TBX4: variants seen among roughly 807,000 people sequenced by gnomAD.
TBX4 encodes the protein T-box transcription factor TBX4.
TBX4 carries 13 observed loss-of-function variants against 54.6 expected under a neutral mutation model. The observed-to-expected ratio is 0.24, with a 90% CI of 0.15 to 0.38. The LOEUF is 0.38. TBX4 is among the 10% of genes least tolerant of loss of function. TBX4 has a pLI of 1.00. For missense variants in TBX4, 631 were observed against 728.5 expected (o/e 0.87, Z 1.54); for synonymous variants, 314 against 306.7 (o/e 1.02, Z -0.25).
intron 5 of TBX4, among the ~76,000 whole-genome samples, chr17:61,470,501 T>G (rs1186025227): frequency 3.9e-5 from 6 of 152,186 alleles, no homozygotes; most frequent in African/African-American, 1.4e-4. Flanking sequence ...CTAAAAGGAC[T>G]GAGCTCCCAC....
rs3744440 is a variant in TBX4 at position 61,478,585 on chromosome 17, G to T, written c.550-42G>T. On this transcript the variant is annotated intron_variant, in intron 5 of 8. Transcript: ENST00000644296. The surrounding 1 kb of genome is among the most constrained non-coding windows in gnomAD (Gnocchi z 7.4). The stretch of plus-strand genomic sequence containing the variant: ...ATGAGGTCAAGGGCCTGGGGCTTGC[G>T]GATGGGGACCTGGAGCTCAGCATGA... 199 of 1,613,916 alleles carry T rather than the reference G, an allele frequency of 1.2e-4. No homozygotes were observed. Among genetic ancestry groups the T allele is most frequent in the Non-Finnish European group, 1.5e-4 (177 of 1,179,932 alleles).
chr17:61,461,262 A>G lies in TBX4; in HGVS notation c.281+3631A>G, dbSNP rs570439573. 6.6e-6 allele frequency among the ~76,000 whole-genome samples: 1 copy of G among 152,354 alleles called. No individual in the cohort carries two copies. The highest frequency in any genetic ancestry group is 1.9e-4 in the East Asian group (1 of 5,186). On this transcript the variant is annotated intron_variant, in intron 3 of 8. Coordinates refer to ENST00000644296, the MANE Select transcript of TBX4 (RefSeq NM_001321120.2). The surrounding 1 kb of genome is among the most constrained non-coding windows in gnomAD (Gnocchi z 5.1). ...TTCTTAAATATGCTTTGGGTGAATTAGAAAACTGTGTGTGTATGCCTCTAT... is the reference window on the plus strand; with the variant it reads ...TTCTTAAATATGCTTTGGGTGAATTGGAAAACTGTGTGTGTATGCCTCTAT...
At chr17:61,473,451 A>G (rs2060595428) in intron 5 of TBX4, among the ~76,000 whole-genome samples, 1 of 152,250 alleles carries the variant, frequency 6.6e-6, no homozygotes, top group African/African-American at 2.4e-5. Context: ...ATCAGACAGC[A>G]AAGCCACTTC....
At position 61,459,363 on chromosome 17, in the gene TBX4, C is replaced by T. The variant is rs1259293113; in HGVS notation, c.281+1732C>T. 6.6e-6 allele frequency among the ~76,000 whole-genome samples: 1 copy of T among 152,168 alleles called. No homozygotes were observed. The highest frequency in any genetic ancestry group is 1.5e-5 in the Non-Finnish European group (1 of 68,040). On this transcript the variant is annotated intron_variant, in intron 3 of 8. Coordinates refer to ENST00000644296, the MANE Select transcript of TBX4 (RefSeq NM_001321120.2). The surrounding 1 kb of genome is among the most constrained non-coding windows in gnomAD (Gnocchi z 4.8). ...GGATGATGGTTGGTAAATGGATAAT[C>T]CACTTGATCAAGTGCGAAGGGGAAT...
At position 61,476,171 on chromosome 17, in the gene TBX4, AAATAGG is replaced by A. The variant is rs2060618755; in HGVS notation, c.550-2453_550-2448del. On this transcript the variant is annotated intron_variant, in intron 5 of 8. Transcript: ENST00000644296. The surrounding 1 kb of genome is among the most constrained non-coding windows in gnomAD (Gnocchi z 6.5). ...AGAGTTTAATTGAAGGGACAAGAAG[AAATAGG>A]AAGCCACTAGGATGCAGAATGACAA... Among the ~76,000 whole-genome samples, 1 of 152,206 alleles carries A rather than the reference AAATAGG, an allele frequency of 6.6e-6. No individual in the cohort carries two copies. The highest frequency in any genetic ancestry group is 1.5e-5 in the Non-Finnish European group (1 of 68,042).
In TBX4 at chr17:61,483,084, C is replaced by T. The variant is rs773853893; in HGVS notation, c.1209C>T (p.Ala403=). ...ACTCAGGTTCAGGGCCCGAGATTGC[C>T]GGGGTGTCTGGGGTGGACGACCTGC... ...CMYSGSGPEI[A]GVSGVDDLPP... The change falls in exon 9 of 9, where the codon GCC becomes GCT. Residue 403 remains alanine (A), a synonymous_variant. Coordinates refer to ENST00000644296, the MANE Select transcript of TBX4 (RefSeq NM_001321120.2). This position sits in a 1 kb window ranked among gnomAD's most constrained non-coding sequence, Gnocchi z 6.6. 11 of 1,614,072 alleles carry T rather than the reference C, an allele frequency of 6.8e-6. No individual in the cohort carries two copies. Among genetic ancestry groups the T allele is most frequent in the South Asian group, 4.4e-5 (4 of 91,074 alleles).
chr17:61,461,985 G>A lies in TBX4; in HGVS notation c.282-3834G>A, dbSNP rs563703417. ...CCCAGGAAAGGGGCTGAGAGTAAGC[G>A]CCTTGAATTTGGCCACCGCTTTGGC... On this transcript the variant is annotated intron_variant, in intron 3 of 8. Coordinates refer to ENST00000644296, the MANE Select transcript of TBX4 (RefSeq NM_001321120.2). The surrounding 1 kb of genome is among the most constrained non-coding windows in gnomAD (Gnocchi z 5.1). Among the ~76,000 whole-genome samples, 9 of 152,194 alleles carry A rather than the reference G, an allele frequency of 5.9e-5. No homozygotes were observed. In the East Asian group the frequency reaches 1.6e-3, roughly 26 times the overall value.
In TBX4 at chr17:61,460,963, C is replaced by T. The variant is rs1462599606; in HGVS notation, c.281+3332C>T. Among the ~76,000 whole-genome samples, 4 of 152,242 alleles carry T rather than the reference C, an allele frequency of 2.6e-5. No individual in the cohort carries two copies. In the East Asian group the frequency reaches 7.7e-4, roughly 29 times the overall value. On this transcript the variant is annotated intron_variant, in intron 3 of 8. Transcript: ENST00000644296. The surrounding 1 kb of genome is among the most constrained non-coding windows in gnomAD (Gnocchi z 4.4). Reference sequence around the variant, plus strand: ...TGTTATTCTGAGGCAAGGATTTGGCCCGGCTTAATCCGGGGCTTCAAAGCC... The same window carrying T: ...TGTTATTCTGAGGCAAGGATTTGGCTCGGCTTAATCCGGGGCTTCAAAGCC...
intron 4 of TBX4, 102 bp from the exon 5 acceptor site, chr17:61,467,407 AT>A: frequency 1.4e-6 from 2 of 1,409,590 alleles, no homozygotes; most frequent in Non-Finnish European, 2.0e-6. Flanking sequence ...ACCAGCAGCT[AT>A]TTTTTCCTCT....
At chr17:61,469,974 T>G (rs1175819092) in intron 5 of TBX4, among the ~76,000 whole-genome samples, 3 of 152,192 alleles carry the variant, frequency 2.0e-5, no homozygotes, top group Non-Finnish European at 4.4e-5. Context: ...TCAAGGGACT[T>G]TCTCCAGCCA....
In TBX4 at chr17:61,458,214, A is replaced by G. The variant is rs767252601; in HGVS notation, c.281+583A>G. Among the ~76,000 whole-genome samples the G allele has an allele frequency of 1.9e-4, 29 of 151,160 alleles. 1 individual carries two copies. Among genetic ancestry groups the G allele is most frequent in the South Asian group, 2.1e-4 (1 of 4,700 alleles). On this transcript the variant is annotated intron_variant, in intron 3 of 8. Transcript: ENST00000644296. The stretch of plus-strand genomic sequence containing the variant: ...GGTGGCTGCCAGAAAAGGATGATTT[A>G]TAAAGTGGAAACATCTTTAAAATGC...
rs146829316 is a variant in TBX4, at chr17:61,483,085, G to A, written c.1210G>A (p.Gly404Arg). Residue 404 changes from glycine (G) to arginine (R), a missense_variant, in exon 9 of 9, where the codon GGG becomes AGG. Physicochemically the swap from Gly to Arg is moderately radical, Grantham distance 125. Transcript: ENST00000644296. This position sits in a 1 kb window ranked among gnomAD's most constrained non-coding sequence, Gnocchi z 6.6. Reference protein sequence around the residue: ...MYSGSGPEIAGVSGVDDLPPP... With the variant: ...MYSGSGPEIARVSGVDDLPPP... ...CTCAGGTTCAGGGCCCGAGATTGCC[G>A]GGGTGTCTGGGGTGGACGACCTGCC... 6.0e-5 allele frequency: 97 copies of A among 1,613,934 alleles called. No homozygotes were observed. In the Admixed American group the frequency reaches 6.2e-4, roughly 10 times the overall value.
chr17:61,480,410 CA>C lies in TBX4; in HGVS notation c.1021+92del. On this transcript the variant is annotated intron_variant, in intron 8 of 8. Transcript: ENST00000644296. This position sits in a 1 kb window ranked among gnomAD's most constrained non-coding sequence, Gnocchi z 6.2. ...CTCTGCAGCGCCCCCCCCCCCAACA[CA>C]CACACACTCATCTCGTGCTTGTGTG... is the stretch of plus-strand genomic sequence containing the variant. The C allele has an allele frequency of 9.4e-7, 1 of 1,062,446 alleles. No homozygotes were observed. The highest frequency in any genetic ancestry group is 1.4e-6 in the Non-Finnish European group (1 of 716,740). 65.8% of individuals were successfully genotyped at this position (1,062,446 alleles called of 1,614,324 possible).
intron 4 of TBX4, among the ~76,000 whole-genome samples, chr17:61,466,285 A>G (rs973873824): frequency 1.3e-5 from 2 of 152,176 alleles, no homozygotes; most frequent in Non-Finnish European, 2.9e-5. Context: ...TTAGACTGTC[A>G]GTGCTTCACT....
In TBX4 at chr17:61,462,647, G is replaced by GAGAT; in HGVS notation, c.282-3172_282-3171insAGAT. On this transcript the variant is annotated intron_variant, in intron 3 of 8. Transcript: ENST00000644296. This position sits in a 1 kb window ranked among gnomAD's most constrained non-coding sequence, Gnocchi z 4.5. ...GGGACAGGCGGGCTTCACCGCCAGC[G>GAGAT]CTGGTGGCAGGGCCTGCGTGGACAC... 6.6e-6 allele frequency among the ~76,000 whole-genome samples: 1 copy of GAGAT among 152,212 alleles called. No homozygotes were observed. Among genetic ancestry groups the GAGAT allele is most frequent in the East Asian group, 1.9e-4 (1 of 5,176 alleles).
rs1569034489 is a variant in TBX4 at position 61,461,438 on chromosome 17, C to A, written c.281+3807C>A. 6.6e-6 allele frequency among the ~76,000 whole-genome samples: 1 copy of A among 152,240 alleles called. No homozygotes were observed. Among genetic ancestry groups the A allele is most frequent in the East Asian group, 1.9e-4 (1 of 5,174 alleles). ...GGGCCCTGGCCTCTTCCCCGTACACCCAGGATTCCTCCTGAAAAGCCCCCA... is the reference window on the plus strand; with the variant it reads ...GGGCCCTGGCCTCTTCCCCGTACACACAGGATTCCTCCTGAAAAGCCCCCA... On this transcript the variant is annotated intron_variant, in intron 3 of 8. Coordinates refer to ENST00000644296, the MANE Select transcript of TBX4 (RefSeq NM_001321120.2). This position sits in a 1 kb window ranked among gnomAD's most constrained non-coding sequence, Gnocchi z 5.1.
In TBX4 at chr17:61,480,395, C is replaced by G. The variant is rs1669022718; in HGVS notation, c.1021+76C>G. 2.7e-5 allele frequency: 6 copies of G among 220,578 alleles called. No homozygotes were observed. In the East Asian group the frequency reaches 5.1e-4, roughly 19 times the overall value. The allele number at this position is 220,578 out of a possible 1,614,324, so 13.7% of individuals were successfully genotyped here. ...TTCTCCCCGAAACCACTCTGCAGCG[C>G]CCCCCCCCCCAACACACACACACTC... is the stretch of plus-strand genomic sequence containing the variant. On this transcript the variant is annotated intron_variant, in intron 8 of 8. Transcript: ENST00000644296. This position sits in a 1 kb window ranked among gnomAD's most constrained non-coding sequence, Gnocchi z 6.2.
rs1211351097 is a variant in TBX4, at chr17:61,457,935, C to T, written c.281+304C>T. Among the ~76,000 whole-genome samples, 1 of 152,234 alleles carries T rather than the reference C, an allele frequency of 6.6e-6. No homozygotes were observed. The highest frequency in any genetic ancestry group is 1.5e-5 in the Non-Finnish European group (1 of 68,044). ...CCAGCACTTTTGGCCCCCTGGGGGG[C>T]TGCTTTGCCCTCCTCTCTTTGAGGA... is the stretch of plus-strand genomic sequence containing the variant. On this transcript the variant is annotated intron_variant, in intron 3 of 8. Coordinates refer to ENST00000644296, the MANE Select transcript of TBX4 (RefSeq NM_001321120.2). This position sits in a 1 kb window ranked among gnomAD's most constrained non-coding sequence, Gnocchi z 8.2.
rs777998314 is a variant in TBX4, at chr17:61,457,929, G to A, written c.281+298G>A. 2.6e-5 allele frequency among the ~76,000 whole-genome samples: 4 copies of A among 152,228 alleles called. No homozygotes were observed. Among genetic ancestry groups the A allele is most frequent in the Non-Finnish European group, 5.9e-5 (4 of 68,034 alleles). ...CCAGCTCCAGCACTTTTGGCCCCCT[G>A]GGGGGCTGCTTTGCCCTCCTCTCTT... On this transcript the variant is annotated intron_variant, in intron 3 of 8. Coordinates refer to ENST00000644296, the MANE Select transcript of TBX4 (RefSeq NM_001321120.2). The surrounding 1 kb of genome is among the most constrained non-coding windows in gnomAD (Gnocchi z 8.2).
Sources: allele counts gnomAD v4.1 joint callset (sites outside exome capture counted in the v4.1 genomes callset), GRCh38; gene constraint gnomAD v4.1.1; non-coding constraint Gnocchi (gnomAD v3.1); transcripts MANE v1.5; gene names NCBI Gene and HGNC (gene_info 2026-07-23, HGNC 2026-07-21).